DNASE1: variants seen among roughly 807,000 people sequenced by gnomAD.
DNASE1 encodes the protein deoxyribonuclease-1.
DNASE1 carries 40 observed loss-of-function variants against 33.9 expected under a neutral mutation model. That is an observed-to-expected ratio of 1.18 (90% CI 0.92 to 1.54). The LOEUF is 1.54. Ranked by LOEUF, DNASE1 falls within the 40% of genes most tolerant of loss-of-function variation. The probability of loss-of-function intolerance (pLI) is 0.00; values close to 1 mark genes in which losing one functional copy is unlikely to be tolerated. For missense variants in DNASE1, 518 were observed against 372.6 expected (o/e 1.39, Z -3.21); for synonymous variants, 216 against 160.0 (o/e 1.35, Z -2.64).
At chr16:3,632,632 C>A (rs1327901777) in intron 1 of DNASE1, among the ~76,000 whole-genome samples, 1 of 150,842 alleles carries the variant, frequency 6.6e-6, no homozygotes, top group Non-Finnish European at 1.5e-5. Context: ...GTTGCCCAGG[C>A]TGGAGTGCAG....
intron 1 of DNASE1, among the ~76,000 whole-genome samples, chr16:3,648,902 C>CT (rs1567202020): frequency 6.6e-6 from 1 of 152,164 alleles, no homozygotes; most frequent in Non-Finnish European, 1.5e-5. Flanking sequence ...AAAATGTGAA[C>CT]TTTTTTTAAC....
At chr16:3,633,538 G>A (rs1309488804) in intron 1 of DNASE1, among the ~76,000 whole-genome samples, 3 of 151,794 alleles carry the variant, frequency 2.0e-5, no homozygotes, top group African/African-American at 7.3e-5. Flanking sequence ...AACCCGAGAG[G>A]TGGAGGTTGC....
At chr16:3,642,264 G>A (rs1049299444), upstream of DNASE1, among the ~76,000 whole-genome samples, 19 of 152,216 alleles carry the variant, frequency 1.2e-4, no homozygotes, top group Admixed American at 7.2e-4. Flanking sequence ...TCTGACAGAT[G>A]CCTTAGTCCA....
downstream of DNASE1, chr16:3,659,889 A>T (rs56023281): frequency 6.6e-6 from 1 of 152,154 alleles, no homozygotes; most frequent in Non-Finnish European, 1.5e-5. Context: ...AACTGGGATT[A>T]CAGGCACCCA....
upstream of DNASE1, chr16:3,654,322 G>A (rs2042458246): frequency 2.5e-6 from 1 of 398,636 alleles, no homozygotes; most frequent in Non-Finnish European, 4.4e-6. Flanking sequence ...CCACGGCGCT[G>A]GTGCTGCAGG....
At chr16:3,658,880 C>T, downstream of DNASE1, 1 of 1,613,864 alleles carries the variant, frequency 6.2e-7, no homozygotes, top group Non-Finnish European at 8.5e-7. Flanking sequence ...AACACAGAAC[C>T]CACCAGAAAA....
At chr16:3,617,588 C>A (rs548977699) in intron 1 of DNASE1, among the ~76,000 whole-genome samples, 4 of 152,224 alleles carry the variant, frequency 2.6e-5, no homozygotes, top group African/African-American at 9.6e-5. Context: ...TGTCTCCCCC[C>A]ACCCAATTCA....
At chr16:3,658,209 C>T (rs745658862), downstream of DNASE1, 1 of 1,613,918 alleles carries the variant, frequency 6.2e-7, no homozygotes, top group Non-Finnish European at 8.5e-7. Context: ...AGTCCAGCAG[C>T]AATCATGGCG....
At chr16:3,621,344 G>C (rs2041305129) in intron 1 of DNASE1, among the ~76,000 whole-genome samples, 1 of 152,200 alleles carries the variant, frequency 6.6e-6, no homozygotes, top group Non-Finnish European at 1.5e-5. Flanking sequence ...GCCTCCAAAA[G>C]TGCTGGGTTT....
At chr16:3,642,607 C>T (rs960670128), upstream of DNASE1, among the ~76,000 whole-genome samples, 7 of 152,214 alleles carry the variant, frequency 4.6e-5, no homozygotes, top group Admixed American at 1.3e-4. Context: ...TCTCGTGGGG[C>T]TCGCATCTAA....
chr16:3,613,117 C>T lies in DNASE1; in HGVS notation c.-1359+1111C>T, dbSNP rs567102312. Reference sequence around the variant, plus strand: ...AAACCCCAAATCGAACCTGCCGTACCCATTCGTAGTCACTCCGCAATTCCC... The same window carrying T: ...AAACCCCAAATCGAACCTGCCGTACTCATTCGTAGTCACTCCGCAATTCCC... On this transcript the variant is annotated intron_variant and NMD_transcript_variant, in intron 1 of 11. Transcript: ENST00000570769. Among the ~76,000 whole-genome samples the T allele has an allele frequency of 2.6e-5, 4 of 152,162 alleles. No homozygotes were observed. In the South Asian group the frequency reaches 8.3e-4, roughly 32 times the overall value.
downstream of DNASE1, chr16:3,658,174 C>G: frequency 6.2e-7 from 1 of 1,614,106 alleles, no homozygotes; most frequent in Non-Finnish European, 8.5e-7. Flanking sequence ...TCAAGCGGCC[C>G]ACCATGGCCC....
At chr16:3,639,620 C>G (rs2041972957), upstream of DNASE1, among the ~76,000 whole-genome samples, 1 of 152,160 alleles carries the variant, frequency 6.6e-6, no homozygotes, top group African/African-American at 2.4e-5. Flanking sequence ...TCTTTTGTTC[C>G]CTCTTAGTCA....
chr16:3,657,054 C>G lies in DNASE1; in HGVS notation c.492C>G (p.Ala164=). Reference sequence around the variant, plus strand: ...ATGCGGCCCCGGGGGACGCAGTAGCCGAGATCGACGCTCTCTATGACGTCT... The same window carrying G: ...ATGCGGCCCCGGGGGACGCAGTAGCGGAGATCGACGCTCTCTATGACGTCT... ...PLHAAPGDAV[A]EIDALYDVYL... is the part of the protein sequence containing the mutation. The change falls in exon 6 of 9, where the codon GCC becomes GCG. Residue 164 remains alanine (A), a synonymous_variant. Transcript: ENST00000246949. 3.1e-6 allele frequency: 5 copies of G among 1,614,002 alleles called. No individual in the cohort carries two copies. The Admixed American group carries it at 6.7e-5, about 22-fold the overall frequency.
chr16:3,627,841 T>C (rs1483044028), intron 1 of DNASE1, among the ~76,000 whole-genome samples: 5 of 151,038 alleles, frequency 3.3e-5, no homozygotes, highest in Non-Finnish European at 7.4e-5. Flanking sequence ...TCAGGAAGTG[T>C]GAATCCTGAA....
At chr16:3,662,954 T>C (rs749986848), downstream of DNASE1, 4 of 1,611,028 alleles carry the variant, frequency 2.5e-6, no homozygotes, top group Non-Finnish European at 3.4e-6. Flanking sequence ...CCTTCTCTGA[T>C]AGGCACTCGG....
chr16:3,658,666 C>T (rs1473830293), downstream of DNASE1: 1 of 893,798 alleles, frequency 1.1e-6, no homozygotes, highest in African/African-American at 1.8e-5. Flanking sequence ...AGCAACACTC[C>T]ATCTCAAAAA....
chr16:3,662,983 C>T (rs181018245), downstream of DNASE1: 223 of 1,585,858 alleles, frequency 1.4e-4, 1 homozygote, highest in East Asian at 3.0e-3. Flanking sequence ...GAAGAGCAGG[C>T]GACAGGGAGC....
intron 1 of DNASE1, among the ~76,000 whole-genome samples, chr16:3,647,600 G>T (rs987489231): frequency 3.9e-5 from 6 of 152,134 alleles, no homozygotes; most frequent in African/African-American, 1.4e-4. Flanking sequence ...TTCAAAACTA[G>T]TATTACACAT....
Sources: gnomAD v4.1 joint callset for allele counts (sites outside exome capture counted in the v4.1 genomes callset) on GRCh38, gnomAD v4.1.1 for gene constraint, MANE v1.5 for transcripts, NCBI Gene and HGNC (gene_info 2026-07-23, HGNC 2026-07-21) for gene names.